Variants in FMN2 observed in about 807,000 individuals in gnomAD.
The protein encoded by FMN2 is formin-2.
Under a neutral mutation model 142.3 loss-of-function variants are expected in FMN2, and 51 were observed. That is an observed-to-expected ratio of 0.36 (90% confidence interval 0.29 to 0.45). The LOEUF (loss-of-function observed/expected upper bound fraction) is 0.45. Among genes scored for constraint, FMN2 ranks in the 20% least tolerant of loss-of-function variants. The probability of loss-of-function intolerance (pLI) is 1.00; values close to 1 mark genes in which losing one functional copy is unlikely to be tolerated. For missense variants in FMN2, 1,936 were observed against 2,122.8 expected (o/e 0.91, Z 1.73); for synonymous variants, 882 against 869.8 (o/e 1.01, Z -0.25).
chr1:240,168,137 C>T (rs1664555157), intron 2 of FMN2, among the ~76,000 whole-genome samples: 1 of 152,174 alleles, frequency 6.6e-6, no homozygotes, highest in Non-Finnish European at 1.5e-5. Flanking sequence ...ATCTTCCCCT[C>T]TCAAAACAAT....
At chr1:240,310,430 T>A (rs1019356378) in intron 8 of FMN2, among the ~76,000 whole-genome samples, 5 of 152,202 alleles carry the variant, frequency 3.3e-5, no homozygotes, top group African/African-American at 1.2e-4. Flanking sequence ...CTCTTCTAGA[T>A]GTGAATGAAT....
chr1:240,199,010 A>T (rs572769037), intron 4 of FMN2, among the ~76,000 whole-genome samples: 22 of 152,124 alleles, frequency 1.4e-4, no homozygotes, highest in Non-Finnish European at 2.5e-4. Flanking sequence ...GAGGCTGATG[A>T]GGGAGAATCG....
At chr1:240,251,382 C>T (rs1668274621) in intron 6 of FMN2, among the ~76,000 whole-genome samples, 1 of 151,990 alleles carries the variant, frequency 6.6e-6, no homozygotes, top group South Asian at 2.1e-4. Flanking sequence ...TGTGCAGTTT[C>T]TAAAGTTCCT....
rs186507790 is a variant in FMN2, at chr1:240,222,969, C to G, written c.4065+11734C>G. ...ACAATTTGACTTCCTATTTGAATAC[C>G]CTTTATTTCTTTCTTTTGCCTGATT... On this transcript the variant is annotated intron_variant, in intron 6 of 17. Coordinates refer to ENST00000319653, the MANE Select transcript of FMN2 (RefSeq NM_020066.5). Among the ~76,000 whole-genome samples, 19 of 151,950 alleles carry G rather than the reference C, an allele frequency of 1.3e-4. No individual in the cohort carries two copies. The East Asian group carries it at 2.9e-3, about 23-fold the overall frequency.
chr1:240,136,126 T>C (rs1401189645), intron 2 of FMN2, among the ~76,000 whole-genome samples: 4 of 152,170 alleles, frequency 2.6e-5, no homozygotes, highest in Non-Finnish European at 5.9e-5. Flanking sequence ...TAGTTGGAGA[T>C]TATTATGTTT....
At chr1:240,366,665 G>A (rs1437896456) in intron 14 of FMN2, among the ~76,000 whole-genome samples, 1 of 151,548 alleles carries the variant, frequency 6.6e-6, no homozygotes, top group Non-Finnish European at 1.5e-5. Flanking sequence ...AGCCTTCCAA[G>A]TTCAGCCTTC....
intron 6 of FMN2, among the ~76,000 whole-genome samples, chr1:240,253,866 G>A (rs1403050545): frequency 1.3e-5 from 2 of 152,176 alleles, no homozygotes; most frequent in Non-Finnish European, 2.9e-5. Context: ...ATCTGTAAGT[G>A]TCAGTAGTGC....
At chr1:240,115,908 G>A (rs767495870) in intron 1 of FMN2, among the ~76,000 whole-genome samples, 7 of 152,182 alleles carry the variant, frequency 4.6e-5, no homozygotes, top group Admixed American at 2.0e-4. Context: ...TGGATTACTC[G>A]TGAGTTTTTT....
rs139609572 is a variant in FMN2, at chr1:240,202,854, A to C, written c.1987-3945A>C. Among the ~76,000 whole-genome samples the C allele has an allele frequency of 1.5e-3, 222 of 152,268 alleles. 1 individual carries two copies. The highest frequency in any genetic ancestry group is 5.0e-3 in the African/African-American group (209 of 41,536). Reference sequence around the variant, plus strand: ...TCATTATATTCAAATTTATGATGAAACAGAGCTGGCATAGGCAATAACATT... The same window carrying C: ...TCATTATATTCAAATTTATGATGAACCAGAGCTGGCATAGGCAATAACATT... On this transcript the variant is annotated intron_variant, in intron 4 of 17. Transcript: ENST00000319653.
In FMN2 at chr1:240,372,870, C is replaced by T. The variant is rs990331543; in HGVS notation, c.4858+16962C>T. Reference sequence around the variant, plus strand: ...ATACATTTAAAAACTACGTACATACCTTAATTTAAAATATATTTAAAAATG... The same window carrying T: ...ATACATTTAAAAACTACGTACATACTTTAATTTAAAATATATTTAAAAATG... On this transcript the variant is annotated intron_variant, in intron 14 of 17. Transcript: ENST00000319653. Among the ~76,000 whole-genome samples the T allele has an allele frequency of 3.9e-4, 59 of 152,196 alleles. 1 individual carries two copies. The highest frequency in any genetic ancestry group is 1.3e-3 in the African/African-American group (56 of 41,520).
chr1:240,263,878 A>G (rs1158479997), intron 7 of FMN2, among the ~76,000 whole-genome samples: 4 of 152,064 alleles, frequency 2.6e-5, no homozygotes, highest in African/African-American at 9.7e-5. Flanking sequence ...AGCTAACTGG[A>G]ATTATGGGCC....
At chr1:240,097,039 G>A (rs1487206365) in intron 1 of FMN2, among the ~76,000 whole-genome samples, 1 of 152,162 alleles carries the variant, frequency 6.6e-6, no homozygotes, top group Non-Finnish European at 1.5e-5. Flanking sequence ...TGGTACTGGA[G>A]TTTTGCAGTT....
chr1:240,364,547 G>A (rs965921841), intron 14 of FMN2, among the ~76,000 whole-genome samples: 1 of 152,036 alleles, frequency 6.6e-6, no homozygotes, highest in African/African-American at 2.4e-5. Flanking sequence ...TGATTCTTCT[G>A]GAAACAAAAA....
chr1:240,235,749 A>G (rs1471265537), intron 6 of FMN2: 1 of 152,078 alleles, frequency 6.6e-6, no homozygotes, highest in Non-Finnish European at 1.5e-5. Flanking sequence ...GTAATCTTGC[A>G]TCAGTGAAGG....
intron 1 of FMN2, among the ~76,000 whole-genome samples, chr1:240,112,838 G>A (rs1012839127): frequency 3.3e-5 from 5 of 152,148 alleles, no homozygotes; most frequent in African/African-American, 9.7e-5. Context: ...CCTGTGGTCC[G>A]GGCCCTAGGG....
intron 14 of FMN2, among the ~76,000 whole-genome samples, chr1:240,382,750 A>G (rs1295417648): frequency 6.6e-6 from 1 of 152,200 alleles, no homozygotes; most frequent in African/African-American, 2.4e-5. Context: ...ATCATTTTTC[A>G]CAGAAAAAAC....
chr1:240,205,731 G>T (rs1450596255), intron 4 of FMN2, among the ~76,000 whole-genome samples: 1 of 151,756 alleles, frequency 6.6e-6, no homozygotes, highest in Non-Finnish European at 1.5e-5. Context: ...AAAGTGCTGG[G>T]ATTACAGGCA....
intron 1 of FMN2, among the ~76,000 whole-genome samples, chr1:240,110,692 G>A (rs1661777542): frequency 1.3e-5 from 2 of 152,080 alleles, no homozygotes; most frequent in South Asian, 4.2e-4. Flanking sequence ...GGAAGAGCGT[G>A]AGGGGATTAG....
chr1:240,451,016 G>A (rs1676018039), intron 16 of FMN2, among the ~76,000 whole-genome samples: 1 of 152,160 alleles, frequency 6.6e-6, no homozygotes, highest in African/African-American at 2.4e-5. Context: ...CCTATCCCTT[G>A]GAGTTATATG....
Sources: gnomAD v4.1 joint callset for allele counts (sites outside exome capture counted in the v4.1 genomes callset) on GRCh38, gnomAD v4.1.1 for gene constraint, MANE v1.5 for transcripts, NCBI Gene and HGNC (gene_info 2026-07-23, HGNC 2026-07-21) for gene names.